The following SUPT3H variants were observed in gnomAD, a reference collection of about 807,000 sequenced individuals.
The protein encoded by SUPT3H is SPT3 homolog, SAGA and STAGA complex component, also known as transcription initiation protein SPT3 homolog.
SUPT3H carries 44 observed loss-of-function variants against 44.3 expected under a neutral mutation model. The ratio of observed to expected loss-of-function variants is 0.99; its 90% CI spans 0.78 to 1.28. SUPT3H has a LOEUF of 1.28. SUPT3H is among the 50% of genes most tolerant of loss of function. The probability of loss-of-function intolerance (pLI) is 0.00; values close to 1 mark genes in which losing one functional copy is unlikely to be tolerated. For synonymous variants in SUPT3H, 124 were observed against 125.6 expected (o/e 0.99, Z 0.09); for missense variants, 380 against 387.1 (o/e 0.98, Z 0.15).
chr6:45,234,889 A>ACAC (rs1768799773), intron 2 of SUPT3H, among the ~76,000 whole-genome samples: 1 of 152,198 alleles, frequency 6.6e-6, no homozygotes, highest in Non-Finnish European at 1.5e-5. Flanking sequence ...AGTCCTTAAA[A>ACAC]TGCCTAGAAA....
At chr6:44,990,656 T>G (rs1313600959) in intron 6 of SUPT3H, among the ~76,000 whole-genome samples, 1 of 152,118 alleles carries the variant, frequency 6.6e-6, no homozygotes, top group Non-Finnish European at 1.5e-5. Flanking sequence ...ACAGAGCTAC[T>G]CTCTAGGAAC....
At position 44,865,629 on chromosome 6, in the gene SUPT3H, T is replaced by C. The variant is rs151098683; in HGVS notation, c.913-35772A>G. Among the ~76,000 whole-genome samples the C allele has an allele frequency of 2.2e-3, 330 of 152,228 alleles. 1 individual carries two copies. The highest frequency in any genetic ancestry group is 7.6e-3 in the African/African-American group (316 of 41,500). ...AAACCATTAGAACTTATGAAACATA[T>C]TCACTATCACAAGAACAGTATGGGA... On this transcript the variant is annotated intron_variant, in intron 10 of 10. Coordinates refer to ENST00000371459, the MANE Select transcript of SUPT3H (RefSeq NM_003599.4).
chr6:45,018,185 T>C (rs1343550973), intron 4 of SUPT3H, among the ~76,000 whole-genome samples: 8 of 152,060 alleles, frequency 5.3e-5, no homozygotes, highest in Admixed American at 1.3e-4. Flanking sequence ...GTGATTTTTG[T>C]ACATTGATTT....
chr6:45,131,828 T>C (rs905368320), intron 2 of SUPT3H, among the ~76,000 whole-genome samples: 5 of 152,162 alleles, frequency 3.3e-5, no homozygotes, highest in African/African-American at 4.8e-5. Context: ...AGTCCCCAAA[T>C]ATTCAGGCTG....
intron 3 of SUPT3H, among the ~76,000 whole-genome samples, chr6:45,062,007 GTTAT>G (rs1583315559): frequency 2.1e-5 from 3 of 145,888 alleles, no homozygotes; most frequent in African/African-American, 5.0e-5. Context: ...TAAAATTAGT[GTTAT>G]TTAATATCCA....
intron 2 of SUPT3H, among the ~76,000 whole-genome samples, chr6:45,197,990 C>A (rs189616548): frequency 4.6e-5 from 7 of 151,254 alleles, no homozygotes; most frequent in Middle Eastern, 3.4e-3. Context: ...TGTTTAATAA[C>A]CCAAACTTGA....
intron 10 of SUPT3H, among the ~76,000 whole-genome samples, chr6:44,870,598 CA>C (rs775096457): frequency 2.1e-3 from 158 of 73,914 alleles, no homozygotes; most frequent in South Asian, 2.6e-3. Flanking sequence ...GACTCTGTCT[CA>C]AAAAAAAAAA....
chr6:44,910,263 C>T (rs1292842389), intron 10 of SUPT3H, among the ~76,000 whole-genome samples: 1 of 152,144 alleles, frequency 6.6e-6, no homozygotes, highest in Non-Finnish European at 1.5e-5. Context: ...CAACATTTCC[C>T]ATTAGCTCCA....
intron 2 of SUPT3H, among the ~76,000 whole-genome samples, chr6:45,297,066 G>A (rs1404807606): frequency 1.4e-5 from 2 of 139,664 alleles, no homozygotes; most frequent in African/African-American, 5.4e-5. Flanking sequence ...AATAACCTAC[G>A]GAAATAAATT....
At chr6:45,144,239 A>G (rs1048716989) in intron 2 of SUPT3H, among the ~76,000 whole-genome samples, 5 of 151,988 alleles carry the variant, frequency 3.3e-5, no homozygotes, top group Non-Finnish European at 5.9e-5. Flanking sequence ...AGGACATAAC[A>G]AGAAAAGTGA....
chr6:44,947,427 T>G (rs1773527038), intron 9 of SUPT3H, among the ~76,000 whole-genome samples: 1 of 152,168 alleles, frequency 6.6e-6, no homozygotes, highest in South Asian at 2.1e-4. Context: ...AAGAGATATT[T>G]CATAAATATA....
chr6:44,886,084 C>G (rs375073427), intron 10 of SUPT3H, among the ~76,000 whole-genome samples: 4 of 152,056 alleles, frequency 2.6e-5, no homozygotes, highest in African/African-American at 9.7e-5. Flanking sequence ...TAAAAAGAAA[C>G]GAACAATGCC....
intron 10 of SUPT3H, among the ~76,000 whole-genome samples, chr6:44,915,715 C>T (rs908275662): frequency 6.6e-6 from 1 of 152,174 alleles, no homozygotes; most frequent in African/African-American, 2.4e-5. Flanking sequence ...ACATTCATTT[C>T]TATTGATAAT....
chr6:45,134,510 C>A (rs1247427295), intron 2 of SUPT3H, among the ~76,000 whole-genome samples: 1 of 152,190 alleles, frequency 6.6e-6, no homozygotes, highest in Non-Finnish European at 1.5e-5. Context: ...ACTCAAAAGT[C>A]CAAAGCCTCA....
chr6:45,370,288 G>A (rs1330882388), intron 1 of SUPT3H, among the ~76,000 whole-genome samples: 1 of 152,138 alleles, frequency 6.6e-6, no homozygotes, highest in Admixed American at 6.5e-5. Context: ...TGGATTACAC[G>A]TGGGGTGTGA....
chr6:44,933,607 C>G (rs1770946337), intron 9 of SUPT3H, among the ~76,000 whole-genome samples: 1 of 152,132 alleles, frequency 6.6e-6, no homozygotes, highest in South Asian at 2.1e-4. Context: ...AGTTGAAATA[C>G]ATAAACCACT....
At chr6:45,063,421 C>T (rs144128084) in intron 3 of SUPT3H, among the ~76,000 whole-genome samples, 11 of 149,734 alleles carry the variant, frequency 7.3e-5, no homozygotes, top group South Asian at 4.2e-4. Context: ...TCCAAAGGAA[C>T]GCAGCTCCTC....
chr6:45,051,253 G>C (rs77518512), intron 3 of SUPT3H, among the ~76,000 whole-genome samples: 2,105 of 152,180 alleles, frequency 0.014, 59 homozygotes, highest in African/African-American at 0.048. Flanking sequence ...CTACAATATG[G>C]GGAGGGAAGA....
At chr6:44,891,793 C>T (rs1763360232) in intron 10 of SUPT3H, among the ~76,000 whole-genome samples, 1 of 150,916 alleles carries the variant, frequency 6.6e-6, no homozygotes, top group Admixed American at 6.6e-5. Flanking sequence ...ATAAAAGATT[C>T]ATTCCAGGAA....
Sources: gnomAD v4.1 joint callset for allele counts (sites outside exome capture counted in the v4.1 genomes callset) on GRCh38, gnomAD v4.1.1 for gene constraint, MANE v1.5 for transcripts, NCBI Gene and HGNC (gene_info 2026-07-23, HGNC 2026-07-21) for gene names.